The following SP140 variants were observed in gnomAD, a reference collection of about 807,000 sequenced individuals.
SP140 encodes the protein nuclear body protein SP140.
A neutral mutation model predicts 125.0 loss-of-function variants in SP140; 81 were observed. The observed-to-expected ratio is 0.65, with a 90% CI of 0.54 to 0.78. The LOEUF is 0.78. Ranked by LOEUF, SP140 falls within the 30% of genes least tolerant of loss-of-function variation. The probability of loss-of-function intolerance (pLI) is 0.00; values close to 1 mark genes in which losing one functional copy is unlikely to be tolerated. For missense variants in SP140, 858 were observed against 1,037.0 expected, an observed-to-expected ratio of 0.83 and a Z score of 2.37; for synonymous variants, 312 against 354.0, an observed-to-expected ratio of 0.88 and a Z score of 1.33.
chr2:230,229,456 C>CTTT lies in SP140; in HGVS notation c.59+3580_59+3582dup, dbSNP rs1163771237. 5.9e-4 allele frequency among the ~76,000 whole-genome samples: 34 copies of CTTT among 57,614 alleles called. 3 individuals are homozygous for CTTT. Among genetic ancestry groups the CTTT allele is most frequent in the Admixed American group, 1.0e-3 (5 of 4,928 alleles). 37.8% of individuals were successfully genotyped at this position (57,614 alleles called of 152,430 possible). On this transcript the variant is annotated intron_variant, in intron 1 of 26. Transcript: ENST00000392045. ...ATTTTTCCCTTTGCATGAAGAAATT[C>CTTT]TTTTTTTTTTTTTTTTTTTTTTTTT...
At chr2:230,229,818 A>G (rs965103599) in intron 1 of SP140, among the ~76,000 whole-genome samples, 3 of 151,960 alleles carry the variant, frequency 2.0e-5, no homozygotes, top group African/African-American at 7.2e-5. Context: ...GGAAGCCTAC[A>G]TAGGCTTTTT....
At chr2:230,222,020 G>A (rs2045860188), upstream of SP140, among the ~76,000 whole-genome samples, 1 of 152,208 alleles carries the variant, frequency 6.6e-6, no homozygotes, top group Admixed American at 6.5e-5. Context: ...TTGAGGCCAG[G>A]AATTCAAGAC....
rs2046243636 is a variant in SP140, at chr2:230,225,834, A to G, written c.-11A>G. ...TGAAAATCGAATCGGGTGTGATCCT[A>G]GGCCAAGCTCATGGCCCAGCAGGGC... On this transcript the variant is annotated 5_prime_UTR_variant, in exon 1 of 27. Coordinates refer to ENST00000392045, the MANE Select transcript of SP140 (RefSeq NM_007237.5). 6.2e-7 allele frequency: 1 copy of G among 1,613,350 alleles called. No individual in the cohort carries two copies. The highest frequency in any genetic ancestry group is 8.5e-7 in the Non-Finnish European group (1 of 1,179,386).
At chr2:230,300,305 T>G (rs558556103) in intron 22 of SP140, among the ~76,000 whole-genome samples, 2 of 152,332 alleles carry the variant, frequency 1.3e-5, no homozygotes, top group African/African-American at 4.8e-5. Context: ...ATCCTGAGTC[T>G]GTCCCTGTAA....
At chr2:230,274,210 G>A (rs1437182833) in intron 15 of SP140, among the ~76,000 whole-genome samples, 1 of 151,980 alleles carries the variant, frequency 6.6e-6, no homozygotes, top group Non-Finnish European at 1.5e-5. Flanking sequence ...ATATATGCAG[G>A]AGATCCATAA....
At chr2:230,285,103 A>G (rs1206773939) in intron 16 of SP140, among the ~76,000 whole-genome samples, 1 of 152,228 alleles carries the variant, frequency 6.6e-6, no homozygotes, top group African/African-American at 2.4e-5. Flanking sequence ...TCATCTGGAG[A>G]TAGCCATCCT....
chr2:230,311,135 C>T lies in SP140; in HGVS notation c.2284-19C>T, dbSNP rs756488117. 2.8e-5 allele frequency: 45 copies of T among 1,607,994 alleles called. No homozygotes were observed. The Admixed American group carries it at 2.9e-4, about 10-fold the overall frequency. ...TTCTCTCCAAGCTGCTTTTCATTTACGGCCTCTTTCTTTTGCAGAAATGTG... is the reference window on the plus strand; with the variant it reads ...TTCTCTCCAAGCTGCTTTTCATTTATGGCCTCTTTCTTTTGCAGAAATGTG... On this transcript the variant is annotated intron_variant, in intron 24 of 26. Coordinates refer to ENST00000392045, the MANE Select transcript of SP140 (RefSeq NM_007237.5).
In SP140 at chr2:230,238,304, A is replaced by G; in HGVS notation, c.329A>G (p.His110Arg). ...SELEKTFGWSHLEALFSRINL... is the reference protein window; with the variant it reads ...SELEKTFGWSRLEALFSRINL... ...CTGGAGAAGACATTTGGCTGGTCACATCTGGAAGCATTGTTCAGCAGGATT... is the reference window on the plus strand; with the variant it reads ...CTGGAGAAGACATTTGGCTGGTCACGTCTGGAAGCATTGTTCAGCAGGATT... Residue 110 changes from histidine to arginine, a missense_variant, in exon 3 of 27, where the codon CAT (histidine) becomes CGT (arginine). His to Arg is a conservative substitution (Grantham distance 29). Coordinates refer to ENST00000392045, the MANE Select transcript of SP140 (RefSeq NM_007237.5). The G allele has an allele frequency of 1.2e-6, 2 of 1,614,016 alleles. No homozygotes were observed. Among genetic ancestry groups the G allele is most frequent in the Admixed American group, 1.7e-5 (1 of 60,006 alleles).
At chr2:230,309,827 C>A in intron 22 of SP140, 97 bp from the exon 23 acceptor site, 2 of 1,219,650 alleles carry the variant, frequency 1.6e-6, no homozygotes, top group African/African-American at 1.5e-5. Flanking sequence ...CCTGTCCATG[C>A]AGGTTCACAC....
chr2:230,214,022 C>CA (rs1233358371), exon 3 of SP140: 2 of 152,326 alleles, frequency 1.3e-5, no homozygotes, highest in East Asian at 3.9e-4. Context: ...ATGGTGATTC[C>CA]ACTAATGAAA....
chr2:230,270,007 C>G, intron 14 of SP140, 54 bp downstream of exon 14: 2 of 1,166,712 alleles, frequency 1.7e-6, no homozygotes, highest in Non-Finnish European at 2.6e-6. Context: ...CCCCACAGAC[C>G]CCCAGTAGGG....
chr2:230,301,570 C>T (rs1281226062), intron 22 of SP140, among the ~76,000 whole-genome samples: 2 of 152,118 alleles, frequency 1.3e-5, no homozygotes, highest in Non-Finnish European at 2.9e-5. Flanking sequence ...AAGTCTTTTT[C>T]AGACAAACAA....
chr2:230,294,144 T>G (rs2057428153), intron 20 of SP140, 127 bp from the exon 21 acceptor site: 2 of 714,460 alleles, frequency 2.8e-6, no homozygotes, highest in Non-Finnish European at 5.0e-6. Flanking sequence ...GGTTTCTCAT[T>G]AGACACCTTG....
In SP140 at chr2:230,211,471, T is replaced by C; in HGVS notation, c.-322-2183T>C. The C allele has an allele frequency of 1.3e-6, 2 of 1,586,376 alleles. No individual in the cohort carries two copies. The highest frequency in any genetic ancestry group is 1.7e-4 in the Middle Eastern group (1 of 6,014). ...TTAGGTTGACCAAACCAAGATTACC[T>C]GGCATAGAGCCCAAGGGAGAGTGGG... is the stretch of plus-strand genomic sequence containing the variant. On this transcript the variant is annotated intron_variant, in intron 1 of 4. Transcript: ENST00000456542. The surrounding 1 kb of genome is among the most constrained non-coding windows in gnomAD (Gnocchi z 4.2).
chr2:230,307,988 T>TATATATATATATATATATATATATAC (rs1553607408), intron 22 of SP140, among the ~76,000 whole-genome samples: 1 of 74,450 alleles, frequency 1.3e-5, no homozygotes, highest in Non-Finnish European at 2.6e-5. Context: ...TATATATATA[T>TATATATATATATATATATATATATAC]ATACACACAC....
Position 230,237,245 on chromosome 2 carries a change from C to A in SP140, c.222C>A (p.Ser74=). The change falls in exon 2 of 27, where the codon TCC becomes TCA. Residue 74 remains serine, a synonymous_variant. Transcript: ENST00000392045. The surrounding 1 kb of genome is among the most constrained non-coding windows in gnomAD (Gnocchi z 5.4). ...LMGLRDRSFI[S]EQMYEHFQEA... ...GCCTCCGAGACCGCTCCTTCATCTC[C>A]GAGCAGATGTATGAAGTAAGTAAGA... The A allele has an allele frequency of 6.2e-7, 1 of 1,611,096 alleles. No individual in the cohort carries two copies. Among genetic ancestry groups the A allele is most frequent in the Non-Finnish European group, 8.5e-7 (1 of 1,179,106 alleles).
At chr2:230,251,496 G>A (rs774726065) in intron 10 of SP140, among the ~76,000 whole-genome samples, 1 of 152,044 alleles carries the variant, frequency 6.6e-6, no homozygotes, top group Non-Finnish European at 1.5e-5. Context: ...AATATGCTAG[G>A]AGGAAAAAAT....
chr2:230,282,719 T>C (rs929116595), intron 15 of SP140, among the ~76,000 whole-genome samples: 8 of 152,156 alleles, frequency 5.3e-5, no homozygotes, highest in Non-Finnish European at 1.2e-4. Flanking sequence ...AGTCCTTATG[T>C]GAGGGAGGCA....
intron 12 of SP140, among the ~76,000 whole-genome samples, chr2:230,261,547 G>A (rs148671303): frequency 0.011 from 1,638 of 152,218 alleles, 21 homozygotes; most frequent in African/African-American, 0.028. Context: ...CAGAGGGAAA[G>A]CTTTCAACAT....
Sources: allele counts gnomAD v4.1 joint callset (sites outside exome capture counted in the v4.1 genomes callset), GRCh38; gene constraint gnomAD v4.1.1; non-coding constraint Gnocchi (gnomAD v3.1); transcripts MANE v1.5; gene names NCBI Gene and HGNC (gene_info 2026-07-23, HGNC 2026-07-21).